The following SEC62 variants were observed in gnomAD, a reference collection of about 807,000 sequenced individuals.
SEC62 encodes SEC62 preprotein translocation factor.
In SEC62, 10 loss-of-function variants were observed where a neutral mutation model predicts 47.5. The observed-to-expected ratio is 0.21, with a 90% CI of 0.13 to 0.36. The LOEUF (loss-of-function observed/expected upper bound fraction) is 0.36. Ranked by LOEUF, SEC62 falls within the 10% of genes least tolerant of loss-of-function variation. The probability of loss-of-function intolerance (pLI) is 1.00; values close to 1 mark genes in which losing one functional copy is unlikely to be tolerated. For synonymous variants in SEC62, 136 were observed against 150.5 expected, an observed-to-expected ratio of 0.90 and a Z score of 0.71; for missense variants, 327 against 464.1, an observed-to-expected ratio of 0.70 and a Z score of 2.71.
At chr3:169,970,996 G>A (rs1007255841) in intron 1 of SEC62, among the ~76,000 whole-genome samples, 2 of 151,834 alleles carry the variant, frequency 1.3e-5, no homozygotes, top group African/African-American at 4.8e-5. Flanking sequence ...CAGTGAAAGT[G>A]AAGACTGCAT....
chr3:169,971,782 A>G (rs1011880849), intron 1 of SEC62, among the ~76,000 whole-genome samples: 10 of 152,238 alleles, frequency 6.6e-5, no homozygotes, highest in East Asian at 1.9e-4. Flanking sequence ...TGATGCCTCT[A>G]TCAGCAGTCA....
chr3:169,990,015 TATA>T (rs1232537221), intron 7 of SEC62, among the ~76,000 whole-genome samples: 2 of 98,022 alleles, frequency 2.0e-5, no homozygotes, highest in African/African-American at 7.0e-5. Context: ...ATCATAATAT[TATA>T]TATCATATAT....
chr3:169,966,881 A>C, intron 1 of SEC62, 23 bp downstream of exon 1: 1 of 1,331,456 alleles, frequency 7.5e-7, no homozygotes, highest in Admixed American at 2.3e-5. Context: ...AGCTCTGGGC[A>C]GGGGGCTTCG....
At chr3:169,986,021 G>A in intron 6 of SEC62, 156 bp downstream of exon 6, 3 of 536,784 alleles carry the variant, frequency 5.6e-6, no homozygotes, top group Non-Finnish European at 6.5e-6. Flanking sequence ...ATACACTAAG[G>A]AAAATATTTG....
rs563021120 is a variant in SEC62 at position 169,994,269 on chromosome 3, G to A, written c.*1206G>A. The A allele has an allele frequency of 6.6e-6, 1 of 152,626 alleles. No individual in the cohort carries two copies. Among genetic ancestry groups the A allele is most frequent in the South Asian group, 2.1e-4 (1 of 4,818 alleles). The allele number at this position is 152,626 out of a possible 1,614,324, so 9.5% of individuals were successfully genotyped here. A position where few individuals can be genotyped will look rare whatever the true frequency, so the allele number is the denominator to read the frequency against. The stretch of plus-strand genomic sequence containing the variant: ...TAGTTACAAGTCTTTGGAAACTCTT[G>A]TTTACTTATGAGCATAATCATTCCT... On this transcript the variant is annotated 3_prime_UTR_variant, in exon 8 of 8. Coordinates refer to ENST00000337002, the MANE Select transcript of SEC62 (RefSeq NM_003262.4).
At chr3:169,988,475 A>G (rs537845404) in intron 7 of SEC62, 116 bp downstream of exon 7, 29 of 1,112,088 alleles carry the variant, frequency 2.6e-5, no homozygotes, top group Non-Finnish European at 3.3e-5. Context: ...CAAGAAATAT[A>G]TGGTACTACT....
chr3:169,982,719 G>A lies in SEC62; in HGVS notation c.264G>A (p.Lys88=). 1 of 1,608,156 alleles carries A rather than the reference G, an allele frequency of 6.2e-7. No homozygotes were observed. Among genetic ancestry groups the A allele is most frequent in the Non-Finnish European group, 8.5e-7 (1 of 1,176,518 alleles). ...VVDYCNRLLK[K]QFFHRALKVM... is the part of the protein sequence containing the mutation. ...GTTTTTCCCAAAGGCTTTTAAAGAA[G>A]CAGTTTTTTCACCGAGCCCTAAAAG... The change falls in exon 4 of 8, where the codon AAG becomes AAA. Residue 88 remains lysine, a synonymous_variant. Transcript: ENST00000337002.
chr3:169,990,329 T>A (rs897842401), intron 7 of SEC62, among the ~76,000 whole-genome samples: 1 of 151,966 alleles, frequency 6.6e-6, no homozygotes, highest in Non-Finnish European at 1.5e-5. Context: ...ATATCTGGTG[T>A]TTCTTTGAAT....
chr3:169,970,548 T>C (rs1714673557), intron 1 of SEC62, among the ~76,000 whole-genome samples: 1 of 152,228 alleles, frequency 6.6e-6, no homozygotes, highest in Admixed American at 6.5e-5. Flanking sequence ...TATTATAGTA[T>C]TTGAGTGTCG....
chr3:169,968,856 G>C (rs530962376), intron 1 of SEC62, among the ~76,000 whole-genome samples: 1 of 152,242 alleles, frequency 6.6e-6, no homozygotes, highest in African/African-American at 2.4e-5. Flanking sequence ...AAAATTAAGT[G>C]ACATTTATTT....
chr3:169,971,247 T>A (rs981726625), intron 1 of SEC62, among the ~76,000 whole-genome samples: 18 of 151,940 alleles, frequency 1.2e-4, no homozygotes, highest in African/African-American at 3.1e-4. Flanking sequence ...TAATTTTTTT[T>A]AATTTTTTGT....
Position 169,994,074 on chromosome 3 carries a change from C to CA in SEC62, c.*1012dup, listed in dbSNP as rs1715314946. ...TTGATTTATTTTAAATCTTTACATT[C>CA]AGAAATGAGATACTGTATTATCAGA... On this transcript the variant is annotated 3_prime_UTR_variant, in exon 8 of 8. Coordinates refer to ENST00000337002, the MANE Select transcript of SEC62 (RefSeq NM_003262.4). 10 of 152,604 alleles carry CA rather than the reference C, an allele frequency of 6.6e-5. No individual in the cohort carries two copies. The South Asian group carries it at 2.1e-3, about 32-fold the overall frequency. 9.5% of individuals were successfully genotyped at this position (152,604 alleles called of 1,614,324 possible).
At position 169,995,057 on chromosome 3, in the gene SEC62, T is replaced by G; in HGVS notation, c.*1994T>G. 6.6e-6 allele frequency: 1 copy of G among 152,202 alleles called. No individual in the cohort carries two copies. The highest frequency in any genetic ancestry group is 1.9e-4 in the East Asian group (1 of 5,198). 9.4% of individuals were successfully genotyped at this position (152,202 alleles called of 1,614,324 possible). Reference sequence around the variant, plus strand: ...ATTTTACTATTCAAGTTGTGTACTTTAAACAAATATAAAAATCAAAAGGCT... The same window carrying G: ...ATTTTACTATTCAAGTTGTGTACTTGAAACAAATATAAAAATCAAAAGGCT... On this transcript the variant is annotated 3_prime_UTR_variant, in exon 8 of 8. Coordinates refer to ENST00000337002, the MANE Select transcript of SEC62 (RefSeq NM_003262.4).
rs1312450562 is a variant in SEC62, at chr3:169,986,816, T to TG, written c.610+952dup. ...AATCATGGCTCACTGCAGCCCGACT[T>TG]GCTGGGGTCAGGTGATCTCCCACAT... On this transcript the variant is annotated intron_variant, in intron 6 of 7. Coordinates refer to ENST00000337002, the MANE Select transcript of SEC62 (RefSeq NM_003262.4). 2.6e-5 allele frequency among the ~76,000 whole-genome samples: 4 copies of TG among 152,174 alleles called. No homozygotes were observed. In the South Asian group the frequency reaches 6.2e-4, roughly 24 times the overall value.
At chr3:169,980,917 G>A (rs750955969) in intron 3 of SEC62, among the ~76,000 whole-genome samples, 1 of 152,102 alleles carries the variant, frequency 6.6e-6, no homozygotes, top group African/African-American at 2.4e-5. Context: ...ATTTGGAGTG[G>A]AAATAAATGT....
rs1715432677 is a variant in SEC62 at position 169,998,224 on chromosome 3, A to T, written c.*5161A>T. The stretch of plus-strand genomic sequence containing the variant: ...AATGTTTCAAATAGGACTATAACTT[A>T]TTCAAAGGCCAATGATACTTCGCAT... On this transcript the variant is annotated 3_prime_UTR_variant, in exon 8 of 8. Transcript: ENST00000337002. The T allele has an allele frequency of 6.6e-6, 1 of 152,226 alleles. No individual in the cohort carries two copies. The highest frequency in any genetic ancestry group is 2.1e-4 in the South Asian group (1 of 4,836). 9.4% of individuals were successfully genotyped at this position (152,226 alleles called of 1,614,324 possible).
Position 169,992,691 on chromosome 3 carries a change from C to T in SEC62, c.828C>T (p.Asp276=). 4.3e-6 allele frequency: 7 copies of T among 1,614,142 alleles called. No individual in the cohort carries two copies. Among genetic ancestry groups the T allele is most frequent in the Non-Finnish European group, 5.9e-6 (7 of 1,180,028 alleles). ...PNLTADVGFI[D]SFRPLYTHEY... The stretch of plus-strand genomic sequence containing the variant: ...TGACTGCTGATGTGGGCTTCATTGA[C>T]TCCTTCAGGCCTCTGTACACACATG... The change falls in exon 8 of 8, where the codon GAC becomes GAT. Residue 276 remains aspartate (D), a synonymous_variant. Coordinates refer to ENST00000337002, the MANE Select transcript of SEC62 (RefSeq NM_003262.4). The surrounding 1 kb of genome is among the most constrained non-coding windows in gnomAD (Gnocchi z 4.0).
chr3:169,970,905 AAG>A (rs1332094015), intron 1 of SEC62, among the ~76,000 whole-genome samples: 4 of 152,192 alleles, frequency 2.6e-5, no homozygotes, highest in African/African-American at 7.2e-5. Context: ...AAAGAGAACA[AAG>A]AGGGGGAGGT....
In SEC62 at chr3:169,982,802, A is replaced by G; in HGVS notation, c.347A>G (p.Glu116Gly). The change falls in exon 4 of 8, where the codon GAA becomes GGA. Residue 116 changes from glutamate to glycine, a missense_variant. Around this residue, in one of 3 missense-constraint regions of SEC62, gnomAD observed 126 missense variants for 161.2 expected, o/e 0.78. Transcript: ENST00000337002. ...AAAGAAAAAGATAAAGGAAAAGCTG[A>G]AAGTGGAAAAGAAGAAGATAAAAAG... Reference protein sequence around the residue: ...IKKEKDKGKAESGKEEDKKSK... With the variant: ...IKKEKDKGKAGSGKEEDKKSK... 2.5e-6 allele frequency: 4 copies of G among 1,600,630 alleles called. No individual in the cohort carries two copies. Among genetic ancestry groups the G allele is most frequent in the Non-Finnish European group, 3.4e-6 (4 of 1,172,926 alleles).
Sources: gnomAD v4.1 joint callset for allele counts (sites outside exome capture counted in the v4.1 genomes callset) on GRCh38, gnomAD v4.1.1 for gene constraint, gnomAD v4.1.1 regional missense constraint, Gnocchi (gnomAD v3.1) non-coding constraint, MANE v1.5 for transcripts, NCBI Gene and HGNC (gene_info 2026-07-23, HGNC 2026-07-21) for gene names.